SSH2: variants seen among roughly 807,000 people sequenced by gnomAD.
The protein encoded by SSH2 is slingshot protein phosphatase 2, also known as protein phosphatase Slingshot homolog 2.
Under a neutral mutation model 135.2 loss-of-function variants are expected in SSH2, and 37 were observed. The observed-to-expected ratio is 0.27, with a 90% CI of 0.21 to 0.36. The LOEUF is 0.36. SSH2 is among the 10% of genes least tolerant of loss of function. The pLI is 1.00. For missense variants in SSH2, 1,408 were observed against 1,765.3 expected (o/e 0.80, Z 3.63); for synonymous variants, 628 against 646.2 (o/e 0.97, Z 0.43).
intron 1 of SSH2, among the ~76,000 whole-genome samples, chr17:29,926,477 C>T (rs1011027988): frequency 5.9e-5 from 9 of 151,850 alleles, no homozygotes; most frequent in African/African-American, 1.7e-4. Context: ...TCACTTGAGC[C>T]CAAGAGGTGG....
chr17:29,714,707 G>A (rs1178098024), intron 3 of SSH2, among the ~76,000 whole-genome samples: 2 of 151,928 alleles, frequency 1.3e-5, no homozygotes, highest in Non-Finnish European at 2.9e-5. Flanking sequence ...TAGTTCACAG[G>A]GTCCCTCTGG....
chr17:29,897,013 T>C (rs796325131), intron 1 of SSH2, among the ~76,000 whole-genome samples: 6 of 151,882 alleles, frequency 4.0e-5, no homozygotes, highest in Non-Finnish European at 7.4e-5. Context: ...CATACATATA[T>C]GGGTGTGTAT....
chr17:29,725,347 C>A (rs1425482644), intron 3 of SSH2, among the ~76,000 whole-genome samples: 61 of 52,778 alleles, frequency 1.2e-3, no homozygotes, highest in South Asian at 3.5e-3. Context: ...AATCAGTCTC[C>A]AAAAAAAAAA....
chr17:29,633,578 C>G (rs2035777901), intron 15 of SSH2, among the ~76,000 whole-genome samples: 1 of 152,242 alleles, frequency 6.6e-6, no homozygotes, highest in Admixed American at 6.5e-5. Flanking sequence ...TACATAATCT[C>G]TAAGTTTCAC....
intron 1 of SSH2, among the ~76,000 whole-genome samples, chr17:29,924,189 C>CA (rs2067025101): frequency 6.6e-6 from 1 of 151,722 alleles, no homozygotes; most frequent in Non-Finnish European, 1.5e-5. Context: ...TTTTCTCTGT[C>CA]ACTGGTGCCT....
intron 2 of SSH2, among the ~76,000 whole-genome samples, chr17:29,810,322 T>C (rs545657214): frequency 3.3e-4 from 51 of 152,314 alleles, no homozygotes; most frequent in African/African-American, 1.2e-3. Context: ...GAAACAAAGA[T>C]GAATGGGTCA....
chr17:29,739,137 G>C (rs2040474695), intron 3 of SSH2, among the ~76,000 whole-genome samples: 2 of 152,134 alleles, frequency 1.3e-5, no homozygotes, highest in Non-Finnish European at 2.9e-5. Flanking sequence ...TCCAACTTTG[G>C]TAAGAGGATA....
intron 2 of SSH2, among the ~76,000 whole-genome samples, chr17:29,833,240 A>C (rs2042879691): frequency 6.6e-6 from 1 of 152,074 alleles, no homozygotes; most frequent in African/African-American, 2.4e-5. Flanking sequence ...CACTCTAATA[A>C]TATTTGCTTT....
chr17:29,699,856 T>C (rs1232455581), intron 4 of SSH2, among the ~76,000 whole-genome samples: 2 of 152,228 alleles, frequency 1.3e-5, no homozygotes, highest in South Asian at 2.1e-4. Context: ...ACCCGACCTC[T>C]GGTACTGGGC....
chr17:29,839,313 CT>C (rs1210188354), intron 2 of SSH2, among the ~76,000 whole-genome samples: 1 of 152,194 alleles, frequency 6.6e-6, no homozygotes, highest in East Asian at 1.9e-4. Context: ...AATGTGTAAC[CT>C]GCCAGGCCGA....
At chr17:29,838,520 G>T (rs1489732718) in intron 2 of SSH2, among the ~76,000 whole-genome samples, 2 of 152,210 alleles carry the variant, frequency 1.3e-5, no homozygotes, top group African/African-American at 2.4e-5. Context: ...TTTCTGGGCT[G>T]CCCACGTCCA....
chr17:29,809,682 A>G (rs551668606), intron 2 of SSH2, among the ~76,000 whole-genome samples: 1 of 152,130 alleles, frequency 6.6e-6, no homozygotes, highest in African/African-American at 2.4e-5. Context: ...CAGCCTCCTG[A>G]GTAACTGAGA....
chr17:29,649,030 A>G (rs1358252079), intron 13 of SSH2, among the ~76,000 whole-genome samples: 1 of 151,870 alleles, frequency 6.6e-6, no homozygotes, highest in Non-Finnish European at 1.5e-5. Flanking sequence ...AATCCCAGCT[A>G]CTCAGGAGGC....
At chr17:29,819,394 C>T (rs1415624825) in intron 2 of SSH2, among the ~76,000 whole-genome samples, 1 of 152,028 alleles carries the variant, frequency 6.6e-6, no homozygotes, top group Non-Finnish European at 1.5e-5. Context: ...ATAACCAAGG[C>T]TACTAAGCAT....
chr17:29,879,980 TA>T (rs971430356), intron 1 of SSH2, among the ~76,000 whole-genome samples: 8 of 152,062 alleles, frequency 5.3e-5, no homozygotes, highest in African/African-American at 1.9e-4. Flanking sequence ...GAGACTCAAA[TA>T]AAAAAAAGAG....
intron 3 of SSH2, among the ~76,000 whole-genome samples, chr17:29,764,269 G>GA (rs1372036107): frequency 6.6e-6 from 1 of 152,164 alleles, no homozygotes; most frequent in East Asian, 1.9e-4. Flanking sequence ...GCTTTTTTAA[G>GA]AAAAAAATTA....
chr17:29,639,622 T>A (rs1345889276), intron 14 of SSH2: 1 of 151,928 alleles, frequency 6.6e-6, no homozygotes, highest in Non-Finnish European at 1.5e-5. Context: ...AATCTTTTTA[T>A]GAAGACAAGC....
intron 3 of SSH2, among the ~76,000 whole-genome samples, chr17:29,704,444 G>C (rs554628477): frequency 2.6e-5 from 4 of 152,298 alleles, no homozygotes; most frequent in African/African-American, 9.6e-5. Flanking sequence ...GTTCATGCCT[G>C]TAATCCCAGT....
chr17:29,704,704 T>TAAAAA (rs773267123), intron 3 of SSH2, among the ~76,000 whole-genome samples: 1 of 98,184 alleles, frequency 1.0e-5, no homozygotes, highest in East Asian at 2.8e-4. Context: ...CTCTGTCTCT[T>TAAAAA]AAAAAAAAAA....
Sources: allele counts gnomAD v4.1 joint callset (sites outside exome capture counted in the v4.1 genomes callset), GRCh38; gene constraint gnomAD v4.1.1; transcripts MANE v1.5; gene names NCBI Gene and HGNC (gene_info 2026-07-23, HGNC 2026-07-21).